Variants in CYP7B1 observed in about 807,000 individuals in gnomAD.
CYP7B1 encodes the protein cytochrome P450 family 7 subfamily B member 1.
A neutral mutation model predicts 42.7 loss-of-function variants in CYP7B1; 29 were observed. That is an observed-to-expected ratio of 0.68 (90% CI 0.51 to 0.93). CYP7B1 has a LOEUF of 0.93. Ranked by LOEUF, CYP7B1 falls within the 40% of genes least tolerant of loss-of-function variation. CYP7B1 has a pLI of 0.00. For synonymous variants in CYP7B1, 235 were observed against 218.2 expected, an observed-to-expected ratio of 1.08 and a Z score of -0.68; for missense variants, 655 against 600.5, an observed-to-expected ratio of 1.09 and a Z score of -0.95.
At chr8:64,676,060 A>G (rs895783559) in intron 1 of CYP7B1, among the ~76,000 whole-genome samples, 3 of 152,160 alleles carry the variant, frequency 2.0e-5, no homozygotes, top group African/African-American at 7.2e-5. Flanking sequence ...GCATCGACAG[A>G]ATAAATAAAC....
At chr8:64,761,805 T>G (rs1807895062) in intron 1 of CYP7B1, among the ~76,000 whole-genome samples, 1 of 152,186 alleles carries the variant, frequency 6.6e-6, no homozygotes, top group Non-Finnish European at 1.5e-5. Context: ...AAATAAGACT[T>G]CAGATTACCA....
At chr8:64,617,513 C>T (rs1805466277) in intron 2 of CYP7B1, among the ~76,000 whole-genome samples, 1 of 152,128 alleles carries the variant, frequency 6.6e-6, no homozygotes, top group South Asian at 2.1e-4. Context: ...TGTCTTCTCA[C>T]TAGAGTGCTG....
At chr8:64,701,340 A>G (rs1336811751) in intron 1 of CYP7B1, among the ~76,000 whole-genome samples, 1 of 152,006 alleles carries the variant, frequency 6.6e-6, no homozygotes, top group Non-Finnish European at 1.5e-5. Flanking sequence ...TTGGAACCAC[A>G]CTGCCAGGTA....
intron 1 of CYP7B1, among the ~76,000 whole-genome samples, chr8:64,664,032 T>C (rs1186503965): frequency 6.6e-6 from 1 of 152,190 alleles, no homozygotes; most frequent in Non-Finnish European, 1.5e-5. Flanking sequence ...CCAGCAGGGT[T>C]GAAACTACAG....
At chr8:64,788,321 T>C (rs1804562358) in intron 1 of CYP7B1, among the ~76,000 whole-genome samples, 1 of 152,194 alleles carries the variant, frequency 6.6e-6, no homozygotes, top group African/African-American at 2.4e-5. Flanking sequence ...CAGATACCAT[T>C]GTTTTTCATT....
intron 1 of CYP7B1, among the ~76,000 whole-genome samples, chr8:64,711,425 G>C (rs904153820): frequency 6.6e-6 from 1 of 152,198 alleles, no homozygotes; most frequent in African/African-American, 2.4e-5. Context: ...CCTGGGAAGG[G>C]ACAAATGGTG....
chr8:64,728,320 C>A (rs1807352703), intron 1 of CYP7B1, among the ~76,000 whole-genome samples: 1 of 152,146 alleles, frequency 6.6e-6, no homozygotes, highest in Admixed American at 6.5e-5. Context: ...AAGGTAAAAG[C>A]ACATTTTAGA....
chr8:64,672,537 AC>A (rs1414167327), intron 1 of CYP7B1, among the ~76,000 whole-genome samples: 22 of 152,054 alleles, frequency 1.4e-4, no homozygotes, highest in Admixed American at 1.4e-3. Flanking sequence ...CATCTTTCTT[AC>A]CTATGATTCT....
At chr8:64,780,523 TA>T (rs1164629479) in intron 1 of CYP7B1, among the ~76,000 whole-genome samples, 3 of 151,706 alleles carry the variant, frequency 2.0e-5, no homozygotes, top group African/African-American at 7.3e-5. Context: ...CTTTCCTATA[TA>T]AAAAAAAGAT....
chr8:64,776,359 C>T (rs565446249), intron 1 of CYP7B1, among the ~76,000 whole-genome samples: 1 of 152,162 alleles, frequency 6.6e-6, no homozygotes, highest in Admixed American at 6.5e-5. Flanking sequence ...TGCATCTATG[C>T]ATATCCTAAA....
chr8:64,648,925 A>G (rs534203801), intron 1 of CYP7B1, among the ~76,000 whole-genome samples: 21 of 152,352 alleles, frequency 1.4e-4, no homozygotes, highest in African/African-American at 5.0e-4. Context: ...GTCATAGCCT[A>G]TAAGAATTAG....
rs1421356523 is a variant in CYP7B1 at position 64,594,412 on chromosome 8, A to G, written c.*2230T>C. Among the ~76,000 whole-genome samples the G allele has an allele frequency of 6.6e-6, 1 of 152,204 alleles. No homozygotes were observed. Among genetic ancestry groups the G allele is most frequent in the African/African-American group, 2.4e-5 (1 of 41,456 alleles). On this transcript the variant is annotated 3_prime_UTR_variant, in exon 6 of 6. Coordinates refer to ENST00000310193, the MANE Select transcript of CYP7B1 (RefSeq NM_004820.5). ...TAAAATCACAGAGCTTCATAAGAAAATTAGGAAGAATATAACTTACAGAAA... is the reference window on the plus strand; with the variant it reads ...TAAAATCACAGAGCTTCATAAGAAAGTTAGGAAGAATATAACTTACAGAAA...
intron 1 of CYP7B1, among the ~76,000 whole-genome samples, chr8:64,683,885 T>C (rs1288416872): frequency 1.3e-5 from 2 of 152,168 alleles, no homozygotes; most frequent in Non-Finnish European, 2.9e-5. Context: ...GGGCCCGGAA[T>C]GTTGTTCTTC....
chr8:64,681,124 A>G (rs187996330), intron 1 of CYP7B1, among the ~76,000 whole-genome samples: 2 of 152,382 alleles, frequency 1.3e-5, no homozygotes, highest in Admixed American at 1.3e-4. Flanking sequence ...AAATGAGTAG[A>G]CAATAAAACA....
chr8:64,715,901 G>C (rs1314408216), intron 1 of CYP7B1, among the ~76,000 whole-genome samples: 1 of 152,204 alleles, frequency 6.6e-6, no homozygotes, highest in Non-Finnish European at 1.5e-5. Flanking sequence ...AACACTCTGT[G>C]AGTTCAGGCT....
At chr8:64,609,323 G>A (rs1054979623) in intron 4 of CYP7B1, among the ~76,000 whole-genome samples, 1 of 152,162 alleles carries the variant, frequency 6.6e-6, no homozygotes, top group African/African-American at 2.4e-5. Context: ...GTGGCAATTT[G>A]ATACTACACA....
At chr8:64,790,981 T>C (rs1324832641) in intron 1 of CYP7B1, among the ~76,000 whole-genome samples, 1 of 152,184 alleles carries the variant, frequency 6.6e-6, no homozygotes, top group Non-Finnish European at 1.5e-5. Context: ...GGGAGAATTC[T>C]GTGTGAAGAT....
chr8:64,739,370 A>C (rs1432709408), intron 1 of CYP7B1, among the ~76,000 whole-genome samples: 1 of 152,232 alleles, frequency 6.6e-6, no homozygotes, highest in African/African-American at 2.4e-5. Flanking sequence ...ACTCTATTTA[A>C]GGAAGAATTC....
At chr8:64,610,911 CTCA>C (rs1451406337) in intron 4 of CYP7B1, among the ~76,000 whole-genome samples, 14 of 152,082 alleles carry the variant, frequency 9.2e-5, no homozygotes, top group Non-Finnish European at 1.6e-4. Context: ...ATTTCTGAAC[CTCA>C]TTATTCAATA....
Sources: gnomAD v4.1 joint callset for allele counts (sites outside exome capture counted in the v4.1 genomes callset) on GRCh38, gnomAD v4.1.1 for gene constraint, MANE v1.5 for transcripts, NCBI Gene and HGNC (gene_info 2026-07-23, HGNC 2026-07-21) for gene names.